Variants in TF observed in about 807,000 individuals in gnomAD.
TF encodes the protein transferrin.
In TF, 55 loss-of-function variants were observed where a neutral mutation model predicts 82.4. The observed-to-expected ratio is 0.67, with a 90% CI of 0.54 to 0.84. TF has a LOEUF of 0.84. TF is among the 40% of genes least tolerant of loss of function. The pLI is 0.00. For missense variants in TF, 737 were observed against 868.4 expected (o/e 0.85, Z 1.90); for synonymous variants, 332 against 332.6 (o/e 1.00, Z 0.02).
the TF span, among the ~76,000 whole-genome samples, chr3:133,694,858 ATTT>A: frequency 1.6e-5 from 1 of 63,164 alleles, no homozygotes; most frequent in Non-Finnish European, 3.5e-5. Flanking sequence ...AGTTTTATTT[ATTT>A]ATTTATTTAT....
intron 13 of TF, among the ~76,000 whole-genome samples, chr3:133,768,784 A>ATTTTTTTTTTTTTTTTTTTTTTTTTTTT (rs5852766): frequency 3.7e-5 from 3 of 82,168 alleles, no homozygotes; most frequent in African/African-American, 5.1e-5. Flanking sequence ...GTACCTTGCT[A>ATTTTTTTTTTTTTTTTTTTTTTTTTTTT]TTTTTTTTTT....
rs1370609723 is a variant in TF, at chr3:133,788,602, T to C, written c.*9982T>C. ...AGGTAAGCCCAAAGTTTGGGATTTT[T>C]CATCTTTTCTTTTCCACTCCATACA... On this transcript the variant is annotated 3_prime_UTR_variant, in exon 17 of 17. Coordinates refer to ENST00000402696, the MANE Select transcript of TF (RefSeq NM_001063.4). 1 of 152,126 alleles carries C rather than the reference T, an allele frequency of 6.6e-6. No individual in the cohort carries two copies. Among genetic ancestry groups the C allele is most frequent in the Non-Finnish European group, 1.5e-5 (1 of 68,040 alleles). The allele number at this position is 152,126 out of a possible 1,614,324, so 9.4% of individuals were successfully genotyped here. A position where few individuals can be genotyped will look rare whatever the true frequency, so the allele number is the denominator to read the frequency against.
Position 133,753,452 on chromosome 3 carries a change from A to G in TF, c.217-143A>G. ...CTTGCGAGGGAGACAGAGTCAACTGAAGCCAGCAGGGCTGTGCGTGGTCTA... is the reference window on the plus strand; with the variant it reads ...CTTGCGAGGGAGACAGAGTCAACTGGAGCCAGCAGGGCTGTGCGTGGTCTA... On this transcript the variant is annotated intron_variant, in intron 2 of 16. Transcript: ENST00000402696. 7.0e-6 allele frequency: 5 copies of G among 711,174 alleles called. No homozygotes were observed. In the South Asian group the frequency reaches 7.6e-5, roughly 11 times the overall value. The allele number at this position is 711,174 out of a possible 1,614,324, so 44.1% of individuals were successfully genotyped here.
chr3:133,754,586 G>A lies in TF; in HGVS notation c.417G>A (p.Thr139=), dbSNP rs113868497. ...TTCGAGGCAAGAAGTCCTGCCACAC[G>A]GGTCTAGGCAGGTCCGCTGGGTGGA... ...NQLRGKKSCH[T]GLGRSAGWNI... Residue 139 remains threonine (T), a synonymous_variant, in exon 4 of 17, where the codon ACG becomes ACA. Coordinates refer to ENST00000402696, the MANE Select transcript of TF (RefSeq NM_001063.4). The A allele has an allele frequency of 6.4e-4, 1,040 of 1,614,134 alleles. 5 individuals are homozygous for A. The African/African-American group carries it at 0.012, about 19-fold the overall frequency.
chr3:133,717,393 A>G, the TF span, among the ~76,000 whole-genome samples: 2 of 152,128 alleles, frequency 1.3e-5, no homozygotes, highest in Non-Finnish European at 2.9e-5. Flanking sequence ...TGATTTTTTA[A>G]TATAAGGGGA....
At chr3:133,703,387 T>C in the TF span, among the ~76,000 whole-genome samples, 2 of 152,300 alleles carry the variant, frequency 1.3e-5, no homozygotes, top group East Asian at 3.9e-4. Context: ...GGAGGCCATC[T>C]GGAATAGTGG....
At chr3:133,766,246 T>A in intron 11 of TF, 32 bp from the exon 12 acceptor site, 1 of 1,612,374 alleles carries the variant, frequency 6.2e-7, no homozygotes, top group South Asian at 1.1e-5. Context: ...CCAGAGGTGT[T>A]AATACATCCT....
the TF span, among the ~76,000 whole-genome samples, chr3:133,680,926 A>G: frequency 1.3e-5 from 2 of 152,192 alleles, no homozygotes; most frequent in Non-Finnish European, 2.9e-5. Flanking sequence ...AGGGTATGAT[A>G]ATAACTGTGA....
At chr3:133,778,357 T>C (rs1934447383) in intron 16 of TF, 1 of 448,436 alleles carries the variant, frequency 2.2e-6, no homozygotes, top group Non-Finnish European at 4.2e-6. Flanking sequence ...GAGGACCCTG[T>C]AGGGCAGGAA....
rs1002347685 is a variant in TF at position 133,791,828 on chromosome 3, A to G, written c.*13208A>G. On this transcript the variant is annotated 3_prime_UTR_variant, in exon 17 of 17. Coordinates refer to ENST00000402696, the MANE Select transcript of TF (RefSeq NM_001063.4). ...TGAGTCCTTTATCTTCTGTCTGTGT[A>G]TTTATATGTGTTGTGTGTGTACTAT... is the stretch of plus-strand genomic sequence containing the variant. 2 of 152,146 alleles carry G rather than the reference A, an allele frequency of 1.3e-5. No individual in the cohort carries two copies. Among genetic ancestry groups the G allele is most frequent in the Non-Finnish European group, 2.9e-5 (2 of 68,026 alleles). 9.4% of individuals were successfully genotyped at this position (152,146 alleles called of 1,614,324 possible).
chr3:133,775,940 G>A (rs935500436), intron 15 of TF, among the ~76,000 whole-genome samples: 2 of 151,982 alleles, frequency 1.3e-5, no homozygotes, highest in African/African-American at 2.4e-5. Context: ...GCACCCAAAC[G>A]GCATAGGAAA....
Position 133,783,448 on chromosome 3 carries a change from AC to A in TF, c.*4829del, listed in dbSNP as rs1231518944. 6.6e-6 allele frequency: 1 copy of A among 152,208 alleles called. No individual in the cohort carries two copies. Among genetic ancestry groups the A allele is most frequent in the Non-Finnish European group, 1.5e-5 (1 of 68,046 alleles). 9.4% of individuals were successfully genotyped at this position (152,208 alleles called of 1,614,324 possible). On this transcript the variant is annotated 3_prime_UTR_variant, in exon 17 of 17. Coordinates refer to ENST00000402696, the MANE Select transcript of TF (RefSeq NM_001063.4). ...CTCCAACTTACCGGTTAAAGTAAAA[AC>A]TTTCGAAACGTATAAAGGTTTAAAT... is the stretch of plus-strand genomic sequence containing the variant.
the TF span, among the ~76,000 whole-genome samples, chr3:133,734,490 G>A: frequency 3.3e-5 from 5 of 152,118 alleles, no homozygotes; most frequent in African/African-American, 1.2e-4. Flanking sequence ...TTTGAGCACT[G>A]AACTAGATAA....
chr3:133,770,989 G>A (rs972516826), intron 14 of TF: 1 of 235,736 alleles, frequency 4.2e-6, no homozygotes, highest in Non-Finnish European at 8.4e-6. Flanking sequence ...GCCTTTTATA[G>A]CTATTTACTG....
At position 133,779,236 on chromosome 3, in the gene TF, A is replaced by G. The variant is rs182109215; in HGVS notation, c.*616A>G. 4 of 154,186 alleles carry G rather than the reference A, an allele frequency of 2.6e-5. No homozygotes were observed. Among genetic ancestry groups the G allele is most frequent in the Admixed American group, 1.9e-4 (3 of 15,628 alleles). The allele number at this position is 154,186 out of a possible 1,614,324, so 9.6% of individuals were successfully genotyped here. A position where few individuals can be genotyped will look rare whatever the true frequency, so the allele number is the denominator to read the frequency against. On this transcript the variant is annotated 3_prime_UTR_variant, in exon 17 of 17. Coordinates refer to ENST00000402696, the MANE Select transcript of TF (RefSeq NM_001063.4). ...CTTTTTTGCTGAAAAGCATTCCCTG[A>G]GCTTGATGCCACAGCAGTTACTGCC...
intron 12 of TF, among the ~76,000 whole-genome samples, chr3:133,767,181 A>G (rs1397712836): frequency 6.6e-6 from 1 of 152,160 alleles, no homozygotes; most frequent in Admixed American, 6.5e-5. Flanking sequence ...GGACCCTTCT[A>G]AGCAGTAGAA....
chr3:133,672,474 A>T, the TF span, among the ~76,000 whole-genome samples: 1 of 152,132 alleles, frequency 6.6e-6, no homozygotes, highest in African/African-American at 2.4e-5. Flanking sequence ...AAAAAAAAAA[A>T]AGTAATCAAG....
chr3:133,762,160 A>G (rs1019271207), intron 9 of TF: 8 of 216,838 alleles, frequency 3.7e-5, no homozygotes, highest in African/African-American at 1.4e-4. Flanking sequence ...GCAGGAGACT[A>G]TGTTTCCCTT....
At chr3:133,732,137 A>G in the TF span, among the ~76,000 whole-genome samples, 1 of 152,170 alleles carries the variant, frequency 6.6e-6, no homozygotes, top group Non-Finnish European at 1.5e-5. Flanking sequence ...AAATTAGAGG[A>G]AAAATGCTAA....
Sources: allele counts gnomAD v4.1 joint callset (sites outside exome capture counted in the v4.1 genomes callset), GRCh38; gene constraint gnomAD v4.1.1; transcripts MANE v1.5; gene names NCBI Gene and HGNC (gene_info 2026-07-23, HGNC 2026-07-21).